Variants in HS3ST4 observed in about 807,000 individuals in gnomAD.
The protein encoded by HS3ST4 is heparan sulfate-glucosamine 3-sulfotransferase 4.
Under a neutral mutation model 29.2 loss-of-function variants are expected in HS3ST4, and 17 were observed. The ratio of observed to expected loss-of-function variants is 0.58; its 90% CI spans 0.40 to 0.87. The LOEUF is 0.87. HS3ST4 is among the 40% of genes least tolerant of loss of function. The probability of loss-of-function intolerance (pLI) is 0.00; values close to 1 mark genes in which losing one functional copy is unlikely to be tolerated. For missense variants in HS3ST4, 627 were observed against 634.5 expected, an observed-to-expected ratio of 0.99 and a Z score of 0.13; for synonymous variants, 314 against 285.7, an observed-to-expected ratio of 1.10 and a Z score of -1.00.
intron 1 of HS3ST4, among the ~76,000 whole-genome samples, chr16:25,734,540 C>G (rs796953813): frequency 3.3e-4 from 50 of 152,190 alleles, no homozygotes; most frequent in African/African-American, 1.2e-3. Flanking sequence ...TGTGGATTTC[C>G]GGGCACTCTG....
At chr16:26,064,610 C>CTTTTTTT (rs869047078) in intron 1 of HS3ST4, among the ~76,000 whole-genome samples, 3 of 88,962 alleles carry the variant, frequency 3.4e-5, no homozygotes, top group Admixed American at 1.3e-4. Flanking sequence ...GGATTGTAGT[C>CTTTTTTT]TTTTTTTTTT....
chr16:25,848,208 G>A (rs1967484739), intron 1 of HS3ST4, among the ~76,000 whole-genome samples: 1 of 152,014 alleles, frequency 6.6e-6, no homozygotes, highest in South Asian at 2.1e-4. Flanking sequence ...GCACGATCAA[G>A]GCTCACTGCA....
At chr16:26,084,402 G>T (rs1898759892) in intron 1 of HS3ST4, among the ~76,000 whole-genome samples, 1 of 152,162 alleles carries the variant, frequency 6.6e-6, no homozygotes, top group Non-Finnish European at 1.5e-5. Context: ...CCTCTTTGCT[G>T]GAATTGGCTT....
intron 1 of HS3ST4, among the ~76,000 whole-genome samples, chr16:25,797,551 A>G (rs963708422): frequency 6.6e-6 from 1 of 152,214 alleles, no homozygotes. Context: ...AGATTTAATA[A>G]TAATATCATT....
At chr16:25,921,759 CTTT>C (rs71385586) in intron 1 of HS3ST4, among the ~76,000 whole-genome samples, 1 of 141,552 alleles carries the variant, frequency 7.1e-6, no homozygotes, top group Non-Finnish European at 1.5e-5. Context: ...TTTTTTTTTT[CTTT>C]TTTTTTTTTT....
At chr16:25,980,090 G>C (rs1434297526) in intron 1 of HS3ST4, among the ~76,000 whole-genome samples, 1 of 152,094 alleles carries the variant, frequency 6.6e-6, no homozygotes, top group East Asian at 1.9e-4. Flanking sequence ...CACATGGCAA[G>C]TGTGGCCATG....
intron 1 of HS3ST4, among the ~76,000 whole-genome samples, chr16:26,127,101 T>A (rs1035736217): frequency 6.6e-6 from 1 of 152,070 alleles, no homozygotes; most frequent in Non-Finnish European, 1.5e-5. Context: ...AAACATAAGA[T>A]AATTTCTCAA....
In HS3ST4 at chr16:26,135,888, G is replaced by A. The variant is rs540523376; in HGVS notation, c.1011G>A (p.Ala337=). Residue 337 remains alanine, a synonymous_variant, in exon 2 of 2, where the codon GCG becomes GCA. Coordinates refer to ENST00000331351, the MANE Select transcript of HS3ST4 (RefSeq NM_006040.3). ...SWSAIRIGIY[A]LHLENWLQYF... is the part of the protein sequence containing the mutation. ...GTGCCATTCGAATAGGGATCTATGC[G>A]CTGCATCTGGAAAACTGGCTCCAGT... 3.8e-5 allele frequency: 61 copies of A among 1,613,956 alleles called. No individual in the cohort carries two copies. Among genetic ancestry groups the A allele is most frequent in the Admixed American group, 6.7e-5 (4 of 60,020 alleles).
chr16:25,748,439 C>T (rs986921322), intron 1 of HS3ST4, among the ~76,000 whole-genome samples: 1 of 152,144 alleles, frequency 6.6e-6, no homozygotes, highest in Non-Finnish European at 1.5e-5. Flanking sequence ...GAGCCCAGCT[C>T]CTACCTTCCC....
rs909108965 is a variant in HS3ST4, at chr16:25,794,658, C to T, written c.734+101507C>T. On this transcript the variant is annotated intron_variant, in intron 1 of 1. Coordinates refer to ENST00000331351, the MANE Select transcript of HS3ST4 (RefSeq NM_006040.3). ...CCCCTGGATGCTTTGAAATTTTTCT[C>T]TGTTTTTTGTTTTCTCTGTTTGTTT... is the stretch of plus-strand genomic sequence containing the variant. 6.6e-5 allele frequency among the ~76,000 whole-genome samples: 10 copies of T among 151,932 alleles called. No individual in the cohort carries two copies. In the South Asian group the frequency reaches 2.1e-3, roughly 32 times the overall value.
intron 1 of HS3ST4, among the ~76,000 whole-genome samples, chr16:25,935,357 C>T (rs1275687980): frequency 1.3e-5 from 2 of 152,172 alleles, no homozygotes; most frequent in Non-Finnish European, 2.9e-5. Context: ...TTAGGGTTCA[C>T]TCTTGGTGTT....
chr16:25,739,430 G>T (rs1653597355), intron 1 of HS3ST4, among the ~76,000 whole-genome samples: 2 of 152,294 alleles, frequency 1.3e-5, no homozygotes, highest in South Asian at 4.1e-4. Flanking sequence ...TCTGCCAATT[G>T]CCCTAAGCCT....
At chr16:25,973,508 T>C (rs1219601223) in intron 1 of HS3ST4, among the ~76,000 whole-genome samples, 1 of 152,134 alleles carries the variant, frequency 6.6e-6, no homozygotes, top group Non-Finnish European at 1.5e-5. Flanking sequence ...CCATGAAGAG[T>C]TCACTATTCT....
In HS3ST4 at chr16:26,135,912, G is replaced by A; in HGVS notation, c.1035G>A (p.Gln345=). 1 of 1,613,996 alleles carries A rather than the reference G, an allele frequency of 6.2e-7. No individual in the cohort carries two copies. The highest frequency in any genetic ancestry group is 8.5e-7 in the Non-Finnish European group (1 of 1,179,882). ...IYALHLENWL[Q]YFPLSQILFV... ...CGCTGCATCTGGAAAACTGGCTCCAGTATTTCCCCCTCTCCCAGATCCTCT... is the reference window on the plus strand; with the variant it reads ...CGCTGCATCTGGAAAACTGGCTCCAATATTTCCCCCTCTCCCAGATCCTCT... The change falls in exon 2 of 2, where the codon CAG becomes CAA. Residue 345 remains glutamine, a synonymous_variant. Transcript: ENST00000331351.
At chr16:25,978,474 G>T (rs1325520250) in intron 1 of HS3ST4, among the ~76,000 whole-genome samples, 1 of 152,264 alleles carries the variant, frequency 6.6e-6, no homozygotes, top group African/African-American at 2.4e-5. Flanking sequence ...AAGACAGATG[G>T]TGACTGGATT....
chr16:25,800,981 A>G (rs1248320328), intron 1 of HS3ST4, among the ~76,000 whole-genome samples: 1 of 152,126 alleles, frequency 6.6e-6, no homozygotes, highest in East Asian at 1.9e-4. Flanking sequence ...ACCCAATCCA[A>G]GGTATTTTGT....
intron 1 of HS3ST4, among the ~76,000 whole-genome samples, chr16:25,921,215 A>G (rs749536117): frequency 2.6e-5 from 4 of 152,220 alleles, no homozygotes; most frequent in Non-Finnish European, 4.4e-5. Flanking sequence ...GGATAAAATG[A>G]TGTGTTAATT....
intron 1 of HS3ST4, among the ~76,000 whole-genome samples, chr16:26,103,786 G>A (rs999147505): frequency 2.0e-5 from 3 of 152,022 alleles, no homozygotes; most frequent in East Asian, 1.9e-4. Flanking sequence ...GATCTCATTC[G>A]TTTTGGTCCC....
At chr16:26,000,056 C>T (rs1826934247) in intron 1 of HS3ST4, among the ~76,000 whole-genome samples, 1 of 151,392 alleles carries the variant, frequency 6.6e-6, no homozygotes, top group Non-Finnish European at 1.5e-5. Context: ...ATTGCCCAAT[C>T]TGTTATCATG....
Sources: gnomAD v4.1 joint callset for allele counts (sites outside exome capture counted in the v4.1 genomes callset) on GRCh38, gnomAD v4.1.1 for gene constraint, MANE v1.5 for transcripts, NCBI Gene and HGNC (gene_info 2026-07-23, HGNC 2026-07-21) for gene names.